SEC24C: variants seen among roughly 807,000 people sequenced by gnomAD.
The protein encoded by SEC24C is protein transport protein Sec24C.
SEC24C carries 22 observed loss-of-function variants against 117.0 expected under a neutral mutation model. The observed-to-expected ratio is 0.19, with a 90% CI of 0.13 to 0.27. The LOEUF (loss-of-function observed/expected upper bound fraction) is 0.27, where lower values mean the gene tolerates loss of function less well. Ranked by LOEUF, SEC24C falls within the 10% of genes least tolerant of loss-of-function variation. The pLI is 1.00. For synonymous variants in SEC24C, 506 were observed against 529.4 expected (o/e 0.96, Z 0.61); for missense variants, 1,155 against 1,375.1 (o/e 0.84, Z 2.53).
At chr10:73,752,267 A>C (rs564363935) in intron 3 of SEC24C, among the ~76,000 whole-genome samples, 1 of 152,160 alleles carries the variant, frequency 6.6e-6, no homozygotes, top group African/African-American at 2.4e-5. Context: ...GACTACAGGC[A>C]TGCGCCACCA....
intron 2 of SEC24C, among the ~76,000 whole-genome samples, chr10:73,750,158 C>G (rs1229358216): frequency 6.6e-6 from 1 of 152,150 alleles, no homozygotes. Flanking sequence ...TTGTCAAGTG[C>G]TCGAGTTTGG....
At chr10:73,746,762 C>G in intron 1 of SEC24C, 43 bp from the exon 2 acceptor site, 2 of 1,433,602 alleles carry the variant, frequency 1.4e-6, no homozygotes, top group Admixed American at 3.9e-5. Context: ...TAGTTGCTCT[C>G]TTTAGAAAGT....
intron 6 of SEC24C, among the ~76,000 whole-genome samples, chr10:73,761,365 G>A (rs774355238): frequency 3.3e-5 from 5 of 152,132 alleles, no homozygotes; most frequent in Admixed American, 6.5e-5. Flanking sequence ...AAGAGTGAAC[G>A]ACAGTTTATG....
Position 73,770,790 on chromosome 10 carries a change from T to C in SEC24C, c.3136T>C (p.Tyr1046His). Residue 1046 changes from tyrosine to histidine, a missense_variant, in exon 22 of 23, where the codon TAC becomes CAC. Coordinates refer to ENST00000345254, the MANE Select transcript of SEC24C (RefSeq NM_198597.3). ...IDSLRAQRSR[Y>H]MKLTVVKQED... Reference sequence around the variant, plus strand: ...TAGCTTACGGGCACAGAGATCCCGGTACATGAAGGTAACACTGATCTGAAC... The same window carrying C: ...TAGCTTACGGGCACAGAGATCCCGGCACATGAAGGTAACACTGATCTGAAC... The C allele has an allele frequency of 6.2e-7, 1 of 1,614,140 alleles. No homozygotes were observed. Among genetic ancestry groups the C allele is most frequent in the Non-Finnish European group, 8.5e-7 (1 of 1,179,990 alleles).
At chr10:73,744,507 T>TGG (rs2082512747) in intron 1 of SEC24C, 70 bp downstream of exon 1, 1 of 152,802 alleles carries the variant, frequency 6.5e-6, no homozygotes, top group South Asian at 2.1e-4. Flanking sequence ...CTGGCCAGAT[T>TGG]GGGGTCCGGT....
At position 73,771,006 on chromosome 10, in the gene SEC24C, C is replaced by G. The variant is rs2082972339; in HGVS notation, c.3196C>G (p.Leu1066Val). Residue 1066 changes from leucine to valine, a missense_variant, in exon 23 of 23, where the codon CTG becomes GTG. Around this residue, in one of 2 missense-constraint regions of SEC24C, gnomAD observed 759 missense variants for 992.3 expected, o/e 0.76. Transcript: ENST00000345254. The stretch of plus-strand genomic sequence containing the variant: ...GATGGAGATGCTGTTCAAGCACTTC[C>G]TGGTGGAAGACAAGAGTCTGAGTGG... ...DKMEMLFKHFLVEDKSLSGGA... is the reference protein window; with the variant it reads ...DKMEMLFKHFVVEDKSLSGGA... The G allele has an allele frequency of 6.2e-7, 1 of 1,614,068 alleles. No homozygotes were observed. The highest frequency in any genetic ancestry group is 8.5e-7 in the Non-Finnish European group (1 of 1,180,044).
intron 2 of SEC24C, 78 bp from the exon 3 acceptor site, chr10:73,751,030 T>A: frequency 6.6e-7 from 1 of 1,516,438 alleles, no homozygotes; most frequent in Non-Finnish European, 9.0e-7. Context: ...AGTTTATTGA[T>A]CCTTGCTTTG....
In SEC24C at chr10:73,760,785, G is replaced by A. The variant is rs1228563783; in HGVS notation, c.923G>A (p.Ser308Asn). Residue 308 changes from serine to asparagine, a missense_variant, in exon 6 of 23, where the codon AGT (serine) becomes AAT (asparagine). Physicochemically the swap from Ser to Asn is conservative, Grantham distance 46. Coordinates refer to ENST00000345254, the MANE Select transcript of SEC24C (RefSeq NM_198597.3). ...TACCCAGCAGCACCCACCTTTGGCA[G>A]TCAGCCTGGGCCTCCTCAGCCACTG... ...GPYPAAPTFGSQPGPPQPLPP... is the reference protein window; with the variant it reads ...GPYPAAPTFGNQPGPPQPLPP... 3 of 1,614,150 alleles carry A rather than the reference G, an allele frequency of 1.9e-6. No individual in the cohort carries two copies. The Admixed American group carries it at 5.0e-5, about 27-fold the overall frequency.
At chr10:73,763,666 G>GGGTTT in intron 7 of SEC24C, 65 bp downstream of exon 7, 1 of 212,428 alleles carries the variant, frequency 4.7e-6, no homozygotes, top group Non-Finnish European at 8.4e-6. Flanking sequence ...TATGGTTGGG[G>GGGTTT]CTTTTTTTTT....
At chr10:73,760,657 T>G (rs2082783789) in intron 5 of SEC24C, 56 bp from the exon 6 acceptor site, 1 of 1,515,524 alleles carries the variant, frequency 6.6e-7, no homozygotes, top group African/African-American at 1.4e-5. Context: ...TCCTGAGGCC[T>G]TAAGAAGAGA....
intron 2 of SEC24C, among the ~76,000 whole-genome samples, chr10:73,749,821 C>T (rs1589510076): frequency 1.3e-5 from 2 of 152,198 alleles, no homozygotes; most frequent in African/African-American, 2.4e-5. Context: ...GGATTACAGG[C>T]GTGAGCCACC....
chr10:73,746,992 A>G lies in SEC24C; in HGVS notation c.160A>G (p.Thr54Ala). ...TGGCCCAGTACCAGGCTATCAGCAA[A>G]CACCTCCCCAAGGTATGTTTCTGTT... ...YNGPVPGYQQ[T>A]PPQGMSRAPP... The change falls in exon 2 of 23, where the codon ACA becomes GCA. Residue 54 changes from threonine (T) to alanine (A), a missense_variant. Transcript: ENST00000345254. 1 of 1,612,266 alleles carries G rather than the reference A, an allele frequency of 6.2e-7. No individual in the cohort carries two copies. Among genetic ancestry groups the G allele is most frequent in the Non-Finnish European group, 8.5e-7 (1 of 1,179,284 alleles).
intron 3 of SEC24C, among the ~76,000 whole-genome samples, chr10:73,756,549 A>G (rs2082713077): frequency 6.6e-6 from 1 of 152,188 alleles, no homozygotes; most frequent in Admixed American, 6.5e-5. Flanking sequence ...ACTAAAAATC[A>G]TTGAATTGTT....
chr10:73,765,702 C>A, intron 9 of SEC24C, 98 bp from the exon 10 acceptor site: 1 of 1,558,636 alleles, frequency 6.4e-7, no homozygotes, highest in Non-Finnish European at 8.8e-7. Flanking sequence ...GGAAGTAGGG[C>A]ACATGGGAAT....
At position 73,767,914 on chromosome 10, in the gene SEC24C, C is replaced by T. The variant is rs2082910017; in HGVS notation, c.2088C>T (p.Leu696=). The T allele has an allele frequency of 1.2e-6, 2 of 1,606,736 alleles. No homozygotes were observed. The highest frequency in any genetic ancestry group is 2.2e-5 in the East Asian group (1 of 44,648). ...TGGCCCAAGGCTGCTGTGTAGATCTCTTTCTCTTCCCTAACCAGTATGTGG... is the reference window on the plus strand; with the variant it reads ...TGGCCCAAGGCTGCTGTGTAGATCTTTTTCTCTTCCCTAACCAGTATGTGG... ...ECVAQGCCVD[L]FLFPNQYVDV... Residue 696 remains leucine, a synonymous_variant, in exon 15 of 23, where the codon CTC becomes CTT. Coordinates refer to ENST00000345254, the MANE Select transcript of SEC24C (RefSeq NM_198597.3).
At chr10:73,748,103 G>A (rs1293278473) in intron 2 of SEC24C, among the ~76,000 whole-genome samples, 2 of 151,454 alleles carry the variant, frequency 1.3e-5, no homozygotes, top group Non-Finnish European at 2.9e-5. Context: ...CCCCTTCCCT[G>A]TTTTTTTATT....
intron 2 of SEC24C, among the ~76,000 whole-genome samples, chr10:73,748,998 C>T (rs1410354571): frequency 1.3e-5 from 2 of 152,218 alleles, no homozygotes; most frequent in African/African-American, 2.4e-5. Flanking sequence ...TTGCCTCGGC[C>T]TCTCAAAGTG....
chr10:73,756,616 T>C (rs1334955234), intron 3 of SEC24C, among the ~76,000 whole-genome samples: 1 of 152,174 alleles, frequency 6.6e-6, no homozygotes, highest in Admixed American at 6.5e-5. Context: ...TTTTTTTTTT[T>C]TGAGACAGAG....
chr10:73,759,310 A>G (rs567302149), intron 3 of SEC24C, among the ~76,000 whole-genome samples: 16 of 152,262 alleles, frequency 1.1e-4, no homozygotes, highest in Non-Finnish European at 1.9e-4. Context: ...TTCAGATTAC[A>G]AAACTGAAGA....
Sources: gnomAD v4.1 joint callset for allele counts (sites outside exome capture counted in the v4.1 genomes callset) on GRCh38, gnomAD v4.1.1 for gene constraint, gnomAD v4.1.1 regional missense constraint, MANE v1.5 for transcripts, NCBI Gene and HGNC (gene_info 2026-07-23, HGNC 2026-07-21) for gene names.